The following C12orf42 variants were observed in gnomAD, a reference collection of about 807,000 sequenced individuals.
C12orf42 encodes the protein chromosome 12 open reading frame 42.
A neutral mutation model predicts 21.6 loss-of-function variants in C12orf42; 25 were observed. The ratio of observed to expected loss-of-function variants is 1.16; its 90% CI spans 0.84 to 1.62. C12orf42 has a LOEUF of 1.62. Ranked by LOEUF, C12orf42 falls within the 40% of genes most tolerant of loss-of-function variation. C12orf42 has a pLI of 0.00. For synonymous variants in C12orf42, 174 were observed against 175.0 expected, an observed-to-expected ratio of 0.99 and a Z score of 0.05; for missense variants, 483 against 459.3, an observed-to-expected ratio of 1.05 and a Z score of -0.47.
Position 103,281,963 on chromosome 12 carries a change from G to GAA in C12orf42, n.338-4754_338-4753insTT, listed in dbSNP as rs1346037433. Among the ~76,000 whole-genome samples the GAA allele has an allele frequency of 6.8e-3, 1,007 of 149,002 alleles. 9 individuals carry two copies. The highest frequency in any genetic ancestry group is 0.023 in the African/African-American group (923 of 40,134). On this transcript the variant is annotated intron_variant and non_coding_transcript_variant, in intron 4 of 6. Coordinates refer to the C12orf42 transcript ENST00000546526. ...AGAAAGAAAGAAAGAAAGAAAGAAA[G>GAA]AGATCGATCCTAAAATTTCTTGATA...
chr12:103,436,252 C>T (rs376978244), intron 2 of C12orf42, among the ~76,000 whole-genome samples: 24,356 of 149,924 alleles, frequency 0.16, 2,191 homozygotes, highest in African/African-American at 0.25. Context: ...CTGAAGGAAG[C>T]GCTAAACATG....
At chr12:103,521,319 A>G in the C12orf42 span, among the ~76,000 whole-genome samples, 1 of 152,226 alleles carries the variant, frequency 6.6e-6, no homozygotes. Flanking sequence ...GATAGACTGG[A>G]TTAAGAGGTG....
chr12:103,360,069 G>A (rs906283242), intron 4 of C12orf42, among the ~76,000 whole-genome samples: 3 of 150,320 alleles, frequency 2.0e-5, no homozygotes, highest in Non-Finnish European at 4.4e-5. Context: ...TTTCCTACCT[G>A]TAGTCTTGCC....
At chr12:103,068,697 G>T in the C12orf42 span, among the ~76,000 whole-genome samples, 1 of 151,524 alleles carries the variant, frequency 6.6e-6, no homozygotes, top group Non-Finnish European at 1.5e-5. Context: ...GGCTAGACTG[G>T]CTTAGCCTCC....
chr12:103,347,976 T>C (rs2042780346), intron 4 of C12orf42, among the ~76,000 whole-genome samples: 1 of 152,194 alleles, frequency 6.6e-6, no homozygotes, highest in Admixed American at 6.5e-5. Context: ...TAATGGCAAG[T>C]TAAGGCAAAG....
At chr12:103,284,134 G>A (rs1222078049) in intron 4 of C12orf42, among the ~76,000 whole-genome samples, 1 of 152,122 alleles carries the variant, frequency 6.6e-6, no homozygotes, top group Non-Finnish European at 1.5e-5. Context: ...AATTAGGGCT[G>A]TCTCGGAGAA....
chr12:103,125,433 T>C, the C12orf42 span, among the ~76,000 whole-genome samples: 2 of 152,308 alleles, frequency 1.3e-5, no homozygotes, highest in South Asian at 2.1e-4. Context: ...TGAGCTCAGA[T>C]GGTTGCAAGA....
chr12:103,234,477 G>C (rs2033407778), downstream of C12orf42, among the ~76,000 whole-genome samples: 1 of 152,022 alleles, frequency 6.6e-6, no homozygotes, highest in African/African-American at 2.4e-5. Context: ...AAAATTGTTT[G>C]GGTAAGAACA....
At chr12:103,139,584 T>C in the C12orf42 span, among the ~76,000 whole-genome samples, 1 of 152,032 alleles carries the variant, frequency 6.6e-6, no homozygotes, top group Admixed American at 6.6e-5. Flanking sequence ...TTATGACGTA[T>C]GTATCTCTTT....
chr12:103,205,210 A>G, the C12orf42 span, among the ~76,000 whole-genome samples: 5 of 152,216 alleles, frequency 3.3e-5, no homozygotes, highest in Admixed American at 2.6e-4. Context: ...TATCTTGGAA[A>G]GTTGAAAGTA....
chr12:103,499,074 G>A (rs544088427), upstream of C12orf42, among the ~76,000 whole-genome samples: 1 of 152,168 alleles, frequency 6.6e-6, no homozygotes, highest in Admixed American at 6.5e-5. Flanking sequence ...AGAGTAGAAT[G>A]GTAGTTGATA....
downstream of C12orf42, among the ~76,000 whole-genome samples, chr12:103,301,645 G>C (rs981786219): frequency 2.6e-5 from 4 of 152,054 alleles, no homozygotes; most frequent in African/African-American, 9.7e-5. Context: ...GGCACATCAG[G>C]AGTAATCAAA....
At chr12:103,201,794 G>A in the C12orf42 span, among the ~76,000 whole-genome samples, 3 of 152,100 alleles carry the variant, frequency 2.0e-5, no homozygotes, top group Admixed American at 6.6e-5. Flanking sequence ...GGCCAAATGC[G>A]TTGATGTTGT....
At chr12:103,275,094 C>T (rs1453731632) in intron 5 of C12orf42, among the ~76,000 whole-genome samples, 1 of 151,952 alleles carries the variant, frequency 6.6e-6, no homozygotes, top group African/African-American at 2.4e-5. Context: ...AATTTCAATC[C>T]TTAAATACTA....
chr12:103,056,348 G>A, the C12orf42 span, among the ~76,000 whole-genome samples: 19 of 152,074 alleles, frequency 1.2e-4, no homozygotes, highest in Admixed American at 1.1e-3. Flanking sequence ...CTCCCTAGAG[G>A]TGCCATTTCT....
At chr12:103,108,405 A>G in the C12orf42 span, among the ~76,000 whole-genome samples, 1 of 152,036 alleles carries the variant, frequency 6.6e-6, no homozygotes, top group African/African-American at 2.4e-5. Flanking sequence ...TAAATGCAAA[A>G]GTCACAAATA....
At chr12:103,306,917 C>T (rs768230778) in intron 4 of C12orf42, among the ~76,000 whole-genome samples, 1 of 152,010 alleles carries the variant, frequency 6.6e-6, no homozygotes, top group Non-Finnish European at 1.5e-5. Flanking sequence ...AAGACAAAGA[C>T]ACAGAGGGAA....
At chr12:103,379,715 TC>T (rs2138166127) in intron 3 of C12orf42, among the ~76,000 whole-genome samples, 1 of 152,320 alleles carries the variant, frequency 6.6e-6, no homozygotes, top group Non-Finnish European at 1.5e-5. Context: ...CTCCCTTCCA[TC>T]CCAGGCTTCG....
the C12orf42 span, among the ~76,000 whole-genome samples, chr12:103,189,156 C>T: frequency 5.9e-5 from 9 of 152,152 alleles, no homozygotes; most frequent in Admixed American, 3.9e-4. Flanking sequence ...GGGATTAACA[C>T]ACAAAATGCA....
Sources: gnomAD v4.1 joint callset for allele counts (sites outside exome capture counted in the v4.1 genomes callset) on GRCh38, gnomAD v4.1.1 for gene constraint, MANE v1.5 for transcripts, NCBI Gene and HGNC (gene_info 2026-07-23, HGNC 2026-07-21) for gene names.